The following UBE3D variants were observed in gnomAD, a reference collection of about 807,000 sequenced individuals.
UBE3D encodes E3 ubiquitin-protein ligase E3D.
A neutral mutation model predicts 49.6 loss-of-function variants in UBE3D; 48 were observed. That is an observed-to-expected ratio of 0.97 (90% CI 0.77 to 1.23). The LOEUF (loss-of-function observed/expected upper bound fraction) is 1.23, where lower values mean the gene tolerates loss of function less well. Ranked by LOEUF, UBE3D falls within the 50% of genes most tolerant of loss-of-function variation. UBE3D has a pLI of 0.00. For missense variants in UBE3D, 452 were observed against 468.4 expected (o/e 0.96, Z 0.32); for synonymous variants, 189 against 174.2 (o/e 1.08, Z -0.67).
At chr6:82,887,684 G>C (rs1770913366), downstream of UBE3D, among the ~76,000 whole-genome samples, 1 of 150,290 alleles carries the variant, frequency 6.7e-6, no homozygotes, top group African/African-American at 2.5e-5. Context: ...ACTCCATCCT[G>C]GGCAACAGAG....
chr6:83,038,709 C>G (rs1315871503), intron 4 of UBE3D, among the ~76,000 whole-genome samples: 1 of 152,182 alleles, frequency 6.6e-6, no homozygotes, highest in African/African-American at 2.4e-5. Flanking sequence ...CAAAACCAGC[C>G]ACTTCTTGAT....
chr6:82,883,066 A>G, the UBE3D span, among the ~76,000 whole-genome samples: 2 of 152,330 alleles, frequency 1.3e-5, no homozygotes, highest in East Asian at 3.9e-4. Flanking sequence ...TGGTCATTAT[A>G]TTCATCTAAG....
At chr6:82,912,368 G>C (rs940008042) in intron 9 of UBE3D, among the ~76,000 whole-genome samples, 1 of 151,844 alleles carries the variant, frequency 6.6e-6, no homozygotes, top group African/African-American at 2.4e-5. Context: ...ATTTTACAAT[G>C]AGTAAACTGT....
chr6:83,027,908 T>C (rs1272646573), intron 5 of UBE3D, among the ~76,000 whole-genome samples: 2 of 152,182 alleles, frequency 1.3e-5, no homozygotes, highest in African/African-American at 2.4e-5. Context: ...ATACATCAGA[T>C]AGTCTGTTCT....
At chr6:82,934,024 C>T (rs1774368915) in intron 9 of UBE3D, among the ~76,000 whole-genome samples, 1 of 152,192 alleles carries the variant, frequency 6.6e-6, no homozygotes, top group Non-Finnish European at 1.5e-5. Flanking sequence ...TCCCCATAAT[C>T]CCCAAGTGTT....
At chr6:83,004,220 G>T (rs1457824368) in intron 8 of UBE3D, among the ~76,000 whole-genome samples, 1 of 152,206 alleles carries the variant, frequency 6.6e-6, no homozygotes, top group African/African-American at 2.4e-5. Flanking sequence ...ATTTTGGGGA[G>T]TAATCAAAAG....
Position 82,951,566 on chromosome 6 carries a change from A to G in UBE3D, c.1149+5746T>C, listed in dbSNP as rs537431680. On this transcript the variant is annotated intron_variant, in intron 9 of 9. Transcript: ENST00000369747. ...AGAGTCAATCCTTAAGTTAGGGGAG[A>G]GGCAGAGTTTAGCCAGAGGGCTTAA... is the stretch of plus-strand genomic sequence containing the variant. Among the ~76,000 whole-genome samples the G allele has an allele frequency of 2.6e-5, 4 of 152,262 alleles. No homozygotes were observed. In the South Asian group the frequency reaches 6.2e-4, roughly 24 times the overall value.
intron 5 of UBE3D, among the ~76,000 whole-genome samples, chr6:83,031,603 C>G (rs1022192123): frequency 6.6e-6 from 1 of 152,094 alleles, no homozygotes; most frequent in Non-Finnish European, 1.5e-5. Flanking sequence ...TGGGGCGTTA[C>G]AGTCAAGCCT....
chr6:83,034,063 T>C (rs12198266), intron 5 of UBE3D, among the ~76,000 whole-genome samples: 38,479 of 152,206 alleles, frequency 0.25, 6,394 homozygotes, highest in Non-Finnish European at 0.37. Context: ...CTTTTGTTCA[T>C]TTTCTAGTGC....
intron 9 of UBE3D, among the ~76,000 whole-genome samples, chr6:82,911,935 T>C (rs912695365): frequency 1.7e-4 from 26 of 152,194 alleles, no homozygotes; most frequent in Non-Finnish European, 1.8e-4. Flanking sequence ...CTCCTTAGAA[T>C]CACACATTTG....
intron 9 of UBE3D, among the ~76,000 whole-genome samples, chr6:82,915,233 C>T (rs889325875): frequency 6.6e-6 from 1 of 152,166 alleles, no homozygotes; most frequent in African/African-American, 2.4e-5. Flanking sequence ...CTCTAAGACA[C>T]AGCCTAAATA....
At chr6:82,957,192 C>T (rs1201812975) in intron 9 of UBE3D, 120 bp downstream of exon 9, 12 of 1,043,902 alleles carry the variant, frequency 1.1e-5, no homozygotes, top group Non-Finnish European at 1.7e-5. Flanking sequence ...ATGCATTATG[C>T]TTGTTATGAT....
chr6:83,034,248 A>G lies in UBE3D; in HGVS notation c.667+4168T>C, dbSNP rs1782082889. ...TACCACCCCACACACAAACTCACAC[A>G]TATTGACCTTCTAATATACTTTTGT... On this transcript the variant is annotated intron_variant, in intron 5 of 9. Transcript: ENST00000369747. Among the ~76,000 whole-genome samples the G allele has an allele frequency of 2.6e-5, 4 of 152,036 alleles. No homozygotes were observed. The South Asian group carries it at 6.3e-4, about 24-fold the overall frequency.
rs982837343 is a variant in UBE3D, at chr6:82,892,749, C to G, written c.*273G>C. ...CTGACACTGCACATATGTGAATATTCCTCTCTGTGGGAAATAGAGATGTAA... is the reference window on the plus strand; with the variant it reads ...CTGACACTGCACATATGTGAATATTGCTCTCTGTGGGAAATAGAGATGTAA... On this transcript the variant is annotated 3_prime_UTR_variant, in exon 10 of 10. Coordinates refer to ENST00000369747, the MANE Select transcript of UBE3D (RefSeq NM_198920.3). 1.6e-5 allele frequency: 7 copies of G among 448,778 alleles called. No homozygotes were observed. Among genetic ancestry groups the G allele is most frequent in the Non-Finnish European group, 2.5e-5 (6 of 240,806 alleles). 27.8% of individuals were successfully genotyped at this position (448,778 alleles called of 1,614,324 possible). A position where few individuals can be genotyped will look rare whatever the true frequency, so the allele number is the denominator to read the frequency against.
intron 8 of UBE3D, among the ~76,000 whole-genome samples, chr6:82,994,215 C>T (rs1304428092): frequency 1.3e-5 from 2 of 152,126 alleles, no homozygotes; most frequent in Non-Finnish European, 2.9e-5. Flanking sequence ...CTTACCCATG[C>T]AATACTTATA....
At chr6:82,930,046 A>G (rs1774032971) in intron 9 of UBE3D, among the ~76,000 whole-genome samples, 1 of 152,150 alleles carries the variant, frequency 6.6e-6, no homozygotes, top group Non-Finnish European at 1.5e-5. Context: ...CATAGGAGGC[A>G]CCCAGTGGGA....
At chr6:82,957,728 G>T (rs1776264543) in intron 8 of UBE3D, among the ~76,000 whole-genome samples, 1 of 152,224 alleles carries the variant, frequency 6.6e-6, no homozygotes, top group South Asian at 2.1e-4. Context: ...CCTGCTGGGG[G>T]AAGGGGTGGC....
intron 1 of UBE3D, among the ~76,000 whole-genome samples, chr6:83,064,473 G>A (rs28542497): frequency 1.2e-3 from 186 of 152,182 alleles, no homozygotes; most frequent in Non-Finnish European, 2.2e-3. Context: ...TGATCCGCCC[G>A]CCTCAGCCTC....
chr6:83,016,790 G>A (rs1018256726), intron 8 of UBE3D, among the ~76,000 whole-genome samples: 2 of 152,082 alleles, frequency 1.3e-5, no homozygotes, highest in African/African-American at 4.8e-5. Flanking sequence ...TGAGGAGCAA[G>A]GAAGCCAGTC....
Sources: gnomAD v4.1 joint callset for allele counts (sites outside exome capture counted in the v4.1 genomes callset) on GRCh38, gnomAD v4.1.1 for gene constraint, MANE v1.5 for transcripts, NCBI Gene and HGNC (gene_info 2026-07-23, HGNC 2026-07-21) for gene names.